AGBL4: variants seen among roughly 807,000 people sequenced by gnomAD.
The protein encoded by AGBL4 is AGBL carboxypeptidase 4.
In AGBL4, 58 loss-of-function variants were observed where a neutral mutation model predicts 66.4. The observed-to-expected ratio is 0.87, with a 90% CI of 0.71 to 1.09. The LOEUF is 1.09. Ranked by LOEUF, AGBL4 falls within the 50% of genes least tolerant of loss-of-function variation. The pLI, the probability that AGBL4 is intolerant of heterozygous loss-of-function variation, is 0.00. For synonymous variants in AGBL4, 234 were observed against 222.9 expected (o/e 1.05, Z -0.44); for missense variants, 579 against 631.0 (o/e 0.92, Z 0.88).
chr1:49,768,925 T>C (rs1310440415), intron 2 of AGBL4, among the ~76,000 whole-genome samples: 1 of 152,080 alleles, frequency 6.6e-6, no homozygotes, highest in African/African-American at 2.4e-5. Flanking sequence ...CTTGGCTCAC[T>C]GCAACCTCCG....
intron 4 of AGBL4, among the ~76,000 whole-genome samples, chr1:49,084,793 A>T (rs1054807362): frequency 2.6e-5 from 4 of 152,174 alleles, no homozygotes; most frequent in African/African-American, 9.7e-5. Flanking sequence ...ATGTTAAAAA[A>T]CATCAGATTA....
intron 3 of AGBL4, among the ~76,000 whole-genome samples, chr1:49,600,510 C>A (rs1644934049): frequency 1.3e-5 from 2 of 152,184 alleles, no homozygotes; most frequent in South Asian, 4.1e-4. Context: ...TGTCTTTGCA[C>A]ATGAGATGGG....
chr1:48,837,458 C>T (rs1222428910), intron 6 of AGBL4, among the ~76,000 whole-genome samples: 1 of 151,650 alleles, frequency 6.6e-6, no homozygotes, highest in Non-Finnish European at 1.5e-5. Flanking sequence ...GGTGCCAGTG[C>T]AGCTAGGATA....
chr1:49,798,056 C>T (rs1464593988), intron 2 of AGBL4, among the ~76,000 whole-genome samples: 5 of 152,062 alleles, frequency 3.3e-5, no homozygotes, highest in Non-Finnish European at 4.4e-5. Flanking sequence ...GGCCAATTAT[C>T]ATTTTTAAAA....
At chr1:48,578,460 A>G (rs1479919373) in intron 11 of AGBL4, among the ~76,000 whole-genome samples, 1 of 152,136 alleles carries the variant, frequency 6.6e-6, no homozygotes, top group Non-Finnish European at 1.5e-5. Context: ...AGCTTTTTTC[A>G]CTTATGAATC....
chr1:49,899,959 T>C (rs1649606969), intron 1 of AGBL4, among the ~76,000 whole-genome samples: 1 of 151,988 alleles, frequency 6.6e-6, no homozygotes, highest in African/African-American at 2.4e-5. Context: ...GGAGAATCAC[T>C]TGAACCCAGG....
At chr1:49,489,601 A>G (rs1354151245) in intron 3 of AGBL4, among the ~76,000 whole-genome samples, 1 of 151,822 alleles carries the variant, frequency 6.6e-6, no homozygotes, top group East Asian at 1.9e-4. Context: ...TACTCAAGAA[A>G]TCTTTGCCCA....
intron 1 of AGBL4, among the ~76,000 whole-genome samples, chr1:49,870,636 TCAA>T (rs1481837131): frequency 6.6e-6 from 1 of 151,430 alleles, no homozygotes; most frequent in Non-Finnish European, 1.5e-5. Context: ...CTATCAGATT[TCAA>T]CAACAAAAAG....
intron 5 of AGBL4, among the ~76,000 whole-genome samples, chr1:48,932,409 T>C (rs541710720): frequency 6.6e-6 from 1 of 152,302 alleles, no homozygotes; most frequent in East Asian, 1.9e-4. Flanking sequence ...ATGCTGTTAC[T>C]CGTTGAATTT....
intron 2 of AGBL4, among the ~76,000 whole-genome samples, chr1:49,777,792 C>G (rs1369540585): frequency 6.6e-6 from 1 of 152,160 alleles, no homozygotes; most frequent in Admixed American, 6.5e-5. Context: ...TTAGTAGACA[C>G]TCTCCCCAGT....
intron 7 of AGBL4, 77 bp downstream of exon 7, chr1:48,663,075 G>C: frequency 7.3e-7 from 1 of 1,371,374 alleles, no homozygotes; most frequent in Non-Finnish European, 1.0e-6. Context: ...TCTGCATGTG[G>C]CCACACTGTT....
intron 5 of AGBL4, among the ~76,000 whole-genome samples, chr1:48,945,082 T>A (rs1177022072): frequency 6.6e-6 from 1 of 152,186 alleles, no homozygotes; most frequent in Non-Finnish European, 1.5e-5. Flanking sequence ...GGAGAGGCAC[T>A]GGAGATGTCC....
chr1:49,549,206 G>T lies in AGBL4; in HGVS notation c.282+148107C>A, dbSNP rs1305683340. Among the ~76,000 whole-genome samples the T allele has an allele frequency of 3.3e-5, 5 of 149,746 alleles. No homozygotes were observed. In the South Asian group the frequency reaches 1.1e-3, roughly 32 times the overall value. ...CTTTTCTTGGTTAATCTTGCTAATG[G>T]TCTATCAATTTTGTTTATCTTTTCA... On this transcript the variant is annotated intron_variant, in intron 3 of 13. Coordinates refer to ENST00000371839, the MANE Select transcript of AGBL4 (RefSeq NM_032785.4).
intron 5 of AGBL4, among the ~76,000 whole-genome samples, chr1:48,958,071 G>T (rs185851327): frequency 1.3e-5 from 2 of 152,072 alleles, no homozygotes; most frequent in African/African-American, 4.8e-5. Flanking sequence ...CGTTACCCAG[G>T]ATGGTCTCGA....
intron 6 of AGBL4, among the ~76,000 whole-genome samples, chr1:48,766,212 C>A (rs1557967940): frequency 6.6e-6 from 1 of 152,116 alleles, no homozygotes; most frequent in Non-Finnish European, 1.5e-5. Flanking sequence ...TTATAAGCCA[C>A]ATTTTTTTTT....
intron 3 of AGBL4, among the ~76,000 whole-genome samples, chr1:49,269,691 T>C (rs1380671980): frequency 6.6e-6 from 1 of 152,210 alleles, no homozygotes; most frequent in East Asian, 1.9e-4. Context: ...GTTTTGGCCA[T>C]GCTCTGAGCT....
At chr1:48,968,090 C>A (rs1451612717) in intron 5 of AGBL4, among the ~76,000 whole-genome samples, 1 of 111,944 alleles carries the variant, frequency 8.9e-6, no homozygotes, top group Non-Finnish European at 2.1e-5. Context: ...GATCAGAAAT[C>A]TCCCTGTCAG....
At chr1:48,774,246 T>G (rs887583188) in intron 6 of AGBL4, among the ~76,000 whole-genome samples, 5 of 152,178 alleles carry the variant, frequency 3.3e-5, no homozygotes, top group African/African-American at 1.2e-4. Flanking sequence ...CATAGCACAG[T>G]GGTATTTACA....
intron 3 of AGBL4, among the ~76,000 whole-genome samples, chr1:49,523,031 T>C (rs1020621928): frequency 6.6e-6 from 1 of 152,058 alleles, no homozygotes; most frequent in Non-Finnish European, 1.5e-5. Flanking sequence ...CACAGGACTC[T>C]TGCTGTTAAA....
Sources: gnomAD v4.1 joint callset for allele counts (sites outside exome capture counted in the v4.1 genomes callset) on GRCh38, gnomAD v4.1.1 for gene constraint, MANE v1.5 for transcripts, NCBI Gene and HGNC (gene_info 2026-07-23, HGNC 2026-07-21) for gene names.